Variants in PCDH15 observed in about 807,000 individuals in gnomAD.
PCDH15 encodes protocadherin related 15.
A neutral mutation model predicts 178.5 loss-of-function variants in PCDH15; 129 were observed. The observed-to-expected ratio is 0.72, with a 90% CI of 0.63 to 0.84. The LOEUF (loss-of-function observed/expected upper bound fraction) is 0.84. PCDH15 is among the 40% of genes least tolerant of loss of function. The pLI, the probability that PCDH15 is intolerant of heterozygous loss-of-function variation, is 0.00. For synonymous variants in PCDH15, 800 were observed against 732.0 expected, an observed-to-expected ratio of 1.09 and a Z score of -1.50; for missense variants, 2,230 against 2,099.9, an observed-to-expected ratio of 1.06 and a Z score of -1.21.
intron 2 of PCDH15, among the ~76,000 whole-genome samples, chr10:55,078,684 AT>A (rs1841968430): frequency 6.6e-6 from 1 of 151,878 alleles, no homozygotes; most frequent in East Asian, 1.9e-4. Context: ...CTGTGGATAA[AT>A]TTTTTAGTGT....
intron 7 of PCDH15, among the ~76,000 whole-genome samples, chr10:54,322,529 G>A (rs1401221559): frequency 6.6e-6 from 1 of 151,942 alleles, no homozygotes; most frequent in African/African-American, 2.4e-5. Context: ...AGAAAATCTA[G>A]AGTAAAGTGA....
chr10:54,490,604 C>T (rs1360754025), intron 3 of PCDH15, among the ~76,000 whole-genome samples: 1 of 151,908 alleles, frequency 6.6e-6, no homozygotes, highest in East Asian at 1.9e-4. Flanking sequence ...TTAAACTTTG[C>T]CACGTAACAG....
At chr10:55,089,966 A>G (rs905710847) in intron 2 of PCDH15, among the ~76,000 whole-genome samples, 2 of 152,142 alleles carry the variant, frequency 1.3e-5, no homozygotes, top group Admixed American at 6.6e-5. Flanking sequence ...GGGGGGAGGT[A>G]TAAAACCTAT....
chr10:55,114,653 T>A (rs908920937), intron 2 of PCDH15, among the ~76,000 whole-genome samples: 1 of 152,214 alleles, frequency 6.6e-6, no homozygotes, highest in Non-Finnish European at 1.5e-5. Flanking sequence ...CACTGTGATG[T>A]CTTCTTTGTC....
chr10:55,285,794 A>C (rs1331692124), intron 1 of PCDH15, among the ~76,000 whole-genome samples: 1 of 151,936 alleles, frequency 6.6e-6, no homozygotes, highest in Admixed American at 6.6e-5. Context: ...ATAGAAAATA[A>C]GACACAGTCA....
intron 26 of PCDH15, among the ~76,000 whole-genome samples, chr10:53,867,903 C>T (rs2079564332): frequency 1.3e-5 from 2 of 152,040 alleles, no homozygotes; most frequent in Non-Finnish European, 2.9e-5. Flanking sequence ...CCCGATTAAA[C>T]ATATTTGTTC....
chr10:55,020,966 A>C (rs1034906311), intron 2 of PCDH15, among the ~76,000 whole-genome samples: 26 of 152,134 alleles, frequency 1.7e-4, no homozygotes, highest in African/African-American at 6.0e-4. Flanking sequence ...CAAAGGCATA[A>C]ATGACTATTG....
chr10:55,338,305 C>G (rs1233122790), intron 2 of PCDH15, among the ~76,000 whole-genome samples: 3 of 152,034 alleles, frequency 2.0e-5, no homozygotes, highest in Non-Finnish European at 4.4e-5. Context: ...GGGTATATAT[C>G]TGAAAAAAAG....
chr10:54,503,937 A>G (rs1183425274), intron 3 of PCDH15, among the ~76,000 whole-genome samples: 2 of 151,978 alleles, frequency 1.3e-5, no homozygotes, highest in Non-Finnish European at 2.9e-5. Flanking sequence ...GCCAATGCAC[A>G]GTGTCCGGAA....
intron 15 of PCDH15, among the ~76,000 whole-genome samples, chr10:54,110,604 C>T (rs2095001272): frequency 6.6e-6 from 1 of 152,120 alleles, no homozygotes; most frequent in Non-Finnish European, 1.5e-5. Context: ...TCCGAATGAA[C>T]TACCTTTATT....
chr10:54,696,569 C>T (rs1214872122), intron 1 of PCDH15, among the ~76,000 whole-genome samples: 2 of 151,880 alleles, frequency 1.3e-5, no homozygotes, highest in Non-Finnish European at 2.9e-5. Flanking sequence ...TATCAAACAG[C>T]ACTGAAATCT....
At chr10:53,989,990 T>C (rs2091355937) in intron 21 of PCDH15, among the ~76,000 whole-genome samples, 1 of 152,188 alleles carries the variant, frequency 6.6e-6, no homozygotes. Context: ...ACATGACTGT[T>C]ACTTTCTTTC....
chr10:53,981,796 A>G (rs1427982942), intron 21 of PCDH15, among the ~76,000 whole-genome samples: 6 of 151,882 alleles, frequency 4.0e-5, no homozygotes, highest in Non-Finnish European at 5.9e-5. Context: ...AAGCAATGGC[A>G]ACAAAAGGCA....
intron 2 of PCDH15, among the ~76,000 whole-genome samples, chr10:55,372,423 C>A (rs943710962): frequency 6.6e-6 from 1 of 152,104 alleles, no homozygotes; most frequent in East Asian, 1.9e-4. Flanking sequence ...ACAAAAACTA[C>A]TTTATAATCC....
chr10:55,379,302 C>T (rs749310722), intron 2 of PCDH15, among the ~76,000 whole-genome samples: 1 of 151,646 alleles, frequency 6.6e-6, no homozygotes, highest in Non-Finnish European at 1.5e-5. Flanking sequence ...CTAATGTACC[C>T]CTGTCAATAT....
chr10:54,708,805 C>T (rs369082890), intron 1 of PCDH15, among the ~76,000 whole-genome samples: 2,757 of 119,788 alleles, frequency 0.023, 75 homozygotes, highest in African/African-American at 0.083. Flanking sequence ...TGTGTGTGCG[C>T]GCGCGTGCGT....
At position 53,866,849 on chromosome 10, in the gene PCDH15, A is replaced by G; in HGVS notation, c.3510T>C (p.Asp1170=). The G allele has an allele frequency of 6.2e-7, 1 of 1,604,696 alleles. No individual in the cohort carries two copies. Among genetic ancestry groups the G allele is most frequent in the Non-Finnish European group, 8.5e-7 (1 of 1,173,048 alleles). ...FTSVLRVKAT[D]KDTGNYSVMA... ...TGACACTATAATTGCCAGTATCTTT[A>G]TCAGTAGCCTAGACGGAGGGGAAAA... The change falls in exon 27 of 38, where the codon GAT becomes GAC. Residue 1170 remains aspartate (D), a synonymous_variant. Coordinates refer to ENST00000644397, the MANE Select transcript of PCDH15 (RefSeq NM_001384140.1).
intron 32 of PCDH15, chr10:53,822,419 A>G: frequency 6.3e-7 from 1 of 1,582,762 alleles, no homozygotes. Flanking sequence ...GAGAAATGTC[A>G]GGAGGAGGAG....
intron 1 of PCDH15, among the ~76,000 whole-genome samples, chr10:54,752,859 C>A (rs1350977375): frequency 6.6e-6 from 1 of 151,974 alleles, no homozygotes; most frequent in Non-Finnish European, 1.5e-5. Flanking sequence ...ATAGTGTGGC[C>A]ATCTAAAACA....
Sources: allele counts gnomAD v4.1 joint callset (sites outside exome capture counted in the v4.1 genomes callset), GRCh38; gene constraint gnomAD v4.1.1; transcripts MANE v1.5; gene names NCBI Gene and HGNC (gene_info 2026-07-23, HGNC 2026-07-21).